ZFYVE9: variants seen among roughly 807,000 people sequenced by gnomAD.
ZFYVE9 encodes zinc finger FYVE-type containing 9, also known as zinc finger FYVE domain-containing protein 9.
Under a neutral mutation model 126.7 loss-of-function variants are expected in ZFYVE9, and 43 were observed. The ratio of observed to expected loss-of-function variants is 0.34; its 90% CI spans 0.27 to 0.44. The LOEUF is 0.44. Ranked by LOEUF, ZFYVE9 falls within the 20% of genes least tolerant of loss-of-function variation. The pLI is 1.00. For synonymous variants in ZFYVE9, 521 were observed against 597.4 expected (o/e 0.87, Z 1.87); for missense variants, 1,476 against 1,697.0 (o/e 0.87, Z 2.29).
chr1:52,159,899 T>C (rs1644439478), intron 1 of ZFYVE9, among the ~76,000 whole-genome samples: 1 of 151,874 alleles, frequency 6.6e-6, no homozygotes, highest in South Asian at 2.1e-4. Flanking sequence ...AGGTTCACGC[T>C]GTTCTCCTGC....
Position 52,346,090 on chromosome 1 carries a change from C to A in ZFYVE9, c.4147C>A (p.Pro1383Thr), listed in dbSNP as rs762980815. 1.2e-6 allele frequency: 2 copies of A among 1,610,100 alleles called. No homozygotes were observed. The highest frequency in any genetic ancestry group is 2.2e-5 in the South Asian group (2 of 90,732). ...CTATCAAGCAGGGAGCAATGGCCAG[C>A]CCCTTCCCTCGCAGTACATGAATGA... The part of the protein sequence containing the change: ...VGYQAGSNGQ[P>T]LPSQYMNDLD... The change falls in exon 19 of 19, where the codon CCC (proline) becomes ACC (threonine). Residue 1383 changes from proline to threonine, a missense_variant. Physicochemically the swap from Pro to Thr is conservative, Grantham distance 38. Transcript: ENST00000287727.
At position 52,239,028 on chromosome 1, in the gene ZFYVE9, C is replaced by T; in HGVS notation, c.1611C>T (p.Ser537=). Residue 537 remains serine, a synonymous_variant, in exon 4 of 19, where the codon AGC becomes AGT. Coordinates refer to ENST00000287727, the MANE Select transcript of ZFYVE9 (RefSeq NM_004799.4). ...ATEGSGLLLN[S]TGDLMKKNYL... ...AAGGGAGTGGACTACTTTTAAACAG[C>T]ACTGGTGACCTAATGAAGAAAAATT... 1 of 1,614,124 alleles carries T rather than the reference C, an allele frequency of 6.2e-7. No homozygotes were observed. The highest frequency in any genetic ancestry group is 8.5e-7 in the Non-Finnish European group (1 of 1,180,002).
Position 52,295,875 on chromosome 1 carries a change from A to T in ZFYVE9, c.3251-20A>T. On this transcript the variant is annotated intron_variant, in intron 11 of 18. Transcript: ENST00000287727. ...TTTTATGTTGCCAAATTTAAGTTTG[A>T]TCATTTCTCATTTCCATAGTTTATC... 1.3e-6 allele frequency: 2 copies of T among 1,599,034 alleles called. No individual in the cohort carries two copies.
At chr1:52,291,023 A>T (rs778294519) in intron 10 of ZFYVE9, among the ~76,000 whole-genome samples, 7 of 152,174 alleles carry the variant, frequency 4.6e-5, no homozygotes, top group Non-Finnish European at 8.8e-5. Context: ...AAAATCTGCA[A>T]TTTATTTTTC....
intron 10 of ZFYVE9, among the ~76,000 whole-genome samples, chr1:52,285,338 C>T (rs1017004427): frequency 2.0e-5 from 3 of 152,044 alleles, no homozygotes; most frequent in Admixed American, 6.6e-5. Context: ...AAAACGGGGT[C>T]CCCAACCCAC....
chr1:52,290,255 G>A (rs1332353515), intron 10 of ZFYVE9, among the ~76,000 whole-genome samples: 5 of 152,202 alleles, frequency 3.3e-5, no homozygotes, highest in African/African-American at 9.7e-5. Flanking sequence ...GTGCATGTGC[G>A]TGAGGGCATG....
intron 2 of ZFYVE9, among the ~76,000 whole-genome samples, 178 bp downstream of exon 2, chr1:52,216,652 A>T (rs1645074745): frequency 6.6e-6 from 1 of 152,220 alleles, no homozygotes; most frequent in South Asian, 2.1e-4. Flanking sequence ...AAGGGTATTT[A>T]AAAATCACTG....
chr1:52,346,197 T>C lies in ZFYVE9; in HGVS notation c.4254T>C (p.Phe1418=). Residue 1418 remains phenylalanine, a synonymous_variant, in exon 19 of 19, where the codon TTT becomes TTC. Transcript: ENST00000287727. ...GCCCCGTTGTCATGGAACTCATCTTTTATATTCTGGAAAACATCGTATAAA... is the reference window on the plus strand; with the variant it reads ...GCCCCGTTGTCATGGAACTCATCTTCTATATTCTGGAAAACATCGTATAAA... ...SEGPVVMELI[F]YILENIV 6.2e-7 allele frequency: 1 copy of C among 1,605,072 alleles called. No individual in the cohort carries two copies. Among genetic ancestry groups the C allele is most frequent in the Non-Finnish European group, 8.5e-7 (1 of 1,175,426 alleles).
Position 52,293,592 on chromosome 1 carries a change from T to A in ZFYVE9, c.3165T>A (p.Phe1055Leu). Residue 1055 changes from phenylalanine (F) to leucine (L), a missense_variant, in exon 11 of 19, where the codon TTT (phenylalanine) becomes TTA (leucine). By Grantham distance (22) the Phe-to-Leu change is conservative. Coordinates refer to ENST00000287727, the MANE Select transcript of ZFYVE9 (RefSeq NM_004799.4). ...TACTCCCAACCCCACCTTACTTGTT[T>A]GGGATTCTTATCCAGAAATGGGAAA... ...DLVLPTPPYL[F>L]GILIQKWETP... 6.2e-7 allele frequency: 1 copy of A among 1,614,114 alleles called. No individual in the cohort carries two copies. Among genetic ancestry groups the A allele is most frequent in the East Asian group, 2.2e-5 (1 of 44,868 alleles).
chr1:52,339,841 GATTA>G (rs1331682551), intron 16 of ZFYVE9, among the ~76,000 whole-genome samples: 1 of 152,180 alleles, frequency 6.6e-6, no homozygotes, highest in Non-Finnish European at 1.5e-5. Context: ...GAGCAGGTTT[GATTA>G]ATCAATTTCT....
rs566376394 is a variant in ZFYVE9, at chr1:52,196,047, C to T, written c.-142-20322C>T. ...GACCTCGTGATCCGCCTACCTTGGC[C>T]TCCCAAAGTGCTGGGATTACAGGCG... is the stretch of plus-strand genomic sequence containing the variant. On this transcript the variant is annotated intron_variant, in intron 1 of 18. Transcript: ENST00000287727. 2.6e-5 allele frequency among the ~76,000 whole-genome samples: 4 copies of T among 152,258 alleles called. No individual in the cohort carries two copies. The East Asian group carries it at 7.8e-4, about 30-fold the overall frequency.
At chr1:52,205,978 A>G (rs947393073) in intron 1 of ZFYVE9, among the ~76,000 whole-genome samples, 4 of 152,172 alleles carry the variant, frequency 2.6e-5, no homozygotes, top group African/African-American at 4.8e-5. Context: ...CTTTGAAGGT[A>G]TAGGTGCCCA....
chr1:52,304,110 A>G (rs187937509), intron 13 of ZFYVE9, among the ~76,000 whole-genome samples, 185 bp downstream of exon 13: 96 of 152,276 alleles, frequency 6.3e-4, no homozygotes, highest in African/African-American at 2.2e-3. Context: ...TTTCTGACCT[A>G]GTGGTTCATT....
At chr1:52,253,874 C>T (rs1557482626) in intron 4 of ZFYVE9, 1 of 1,201,558 alleles carries the variant, frequency 8.3e-7, no homozygotes, top group Non-Finnish European at 1.2e-6. Context: ...GACTACAAAT[C>T]TGATGAAAGC....
intron 10 of ZFYVE9, among the ~76,000 whole-genome samples, chr1:52,284,725 A>T (rs1645841697): frequency 1.3e-5 from 2 of 151,998 alleles, no homozygotes; most frequent in African/African-American, 2.4e-5. Flanking sequence ...AGCAATGGTT[A>T]TTTTTTTAAA....
At position 52,297,762 on chromosome 1, in the gene ZFYVE9, G is replaced by A. The variant is rs12031095; in HGVS notation, c.3333+1785G>A. Among the ~76,000 whole-genome samples the A allele has an allele frequency of 9.8e-3, 1,475 of 150,658 alleles. 66 individuals are homozygous for A. The East Asian group carries it at 0.12, about 12-fold the overall frequency. ...TTTTGGGACAGAGTCTCGCACTGTC[G>A]CCTGGGCTGGAGTGCAGTGGCACGA... On this transcript the variant is annotated intron_variant, in intron 12 of 18. Coordinates refer to ENST00000287727, the MANE Select transcript of ZFYVE9 (RefSeq NM_004799.4).
intron 18 of ZFYVE9, 121 bp downstream of exon 18, chr1:52,345,065 T>G: frequency 9.0e-7 from 1 of 1,107,462 alleles, no homozygotes; most frequent in South Asian, 1.5e-5. Context: ...TGACTGGATA[T>G]AGTGTTTTTG....
chr1:52,337,717 G>C lies in ZFYVE9; in HGVS notation c.3671-55G>C, dbSNP rs1646401643. 3 of 1,585,054 alleles carry C rather than the reference G, an allele frequency of 1.9e-6. No individual in the cohort carries two copies. The South Asian group carries it at 3.4e-5, about 18-fold the overall frequency. On this transcript the variant is annotated intron_variant, in intron 15 of 18. Coordinates refer to ENST00000287727, the MANE Select transcript of ZFYVE9 (RefSeq NM_004799.4). Reference sequence around the variant, plus strand: ...ACATTTAACTCGGAGGAATTTGCTAGATGCCAGGTGCTGTGTTTCATTTGC... The same window carrying C: ...ACATTTAACTCGGAGGAATTTGCTACATGCCAGGTGCTGTGTTTCATTTGC...
chr1:52,306,565 GA>G (rs1393341778), intron 13 of ZFYVE9, among the ~76,000 whole-genome samples: 1 of 152,256 alleles, frequency 6.6e-6, no homozygotes, highest in Non-Finnish European at 1.5e-5. Context: ...AAAGAGCTGT[GA>G]CACAAACAAG....
Sources: allele counts gnomAD v4.1 joint callset (sites outside exome capture counted in the v4.1 genomes callset), GRCh38; gene constraint gnomAD v4.1.1; transcripts MANE v1.5; gene names NCBI Gene and HGNC (gene_info 2026-07-23, HGNC 2026-07-21).